Variants in ZNF732 observed in about 807,000 individuals in gnomAD.
ZNF732 encodes the protein zinc finger protein LOC654254.
A neutral mutation model predicts 11.5 loss-of-function variants in ZNF732; 12 were observed. The ratio of observed to expected loss-of-function variants is 1.05; its 90% confidence interval spans 0.67 to 1.70. The LOEUF is 1.70. ZNF732 is among the 40% of genes most tolerant of loss of function. ZNF732 has a pLI of 0.00. For synonymous variants in ZNF732, 231 were observed against 236.5 expected, an observed-to-expected ratio of 0.98 and a Z score of 0.21; for missense variants, 702 against 676.9, an observed-to-expected ratio of 1.04 and a Z score of -0.41.
intron 3 of ZNF732, among the ~76,000 whole-genome samples, chr4:284,870 C>CAAAAAAAAAAAA (rs1163209652): frequency 4.6e-4 from 25 of 54,688 alleles, no homozygotes; most frequent in Non-Finnish European, 5.9e-4. Context: ...GACTCTGTCT[C>CAAAAAAAAAAAA]AAAAAAAAAA....
At chr4:289,762 A>C (rs1329783402) in intron 3 of ZNF732, among the ~76,000 whole-genome samples, 1 of 152,174 alleles carries the variant, frequency 6.6e-6, no homozygotes, top group Non-Finnish European at 1.5e-5. Flanking sequence ...AGGAGAAGTC[A>C]CTCACTATGG....
chr4:272,450 ATAG>A lies in ZNF732; in HGVS notation c.404_406del (p.Thr135del). The A allele has an allele frequency of 6.2e-7, 1 of 1,600,366 alleles. No individual in the cohort carries two copies. The highest frequency in any genetic ancestry group is 8.5e-7 in the Non-Finnish European group (1 of 1,172,406). On this transcript the variant is annotated inframe_deletion, in exon 4 of 4. Coordinates refer to ENST00000419098, the MANE Select transcript of ZNF732 (RefSeq NM_001137608.3). ...ATTACACTGAAATATTTTGCTCTGGATAGTTGACAAGCATTGATTAAATTCATT... is the reference window on the plus strand; with the variant it reads ...ATTACACTGAAATATTTTGCTCTGGATTGACAAGCATTGATTAAATTCATT...
chr4:291,612 T>C (rs1263914905), intron 3 of ZNF732, among the ~76,000 whole-genome samples: 1 of 152,182 alleles, frequency 6.6e-6, no homozygotes, highest in Non-Finnish European at 1.5e-5. Context: ...CCAGATTCCA[T>C]CAGGATAACA....
chr4:299,442 TATATATATA>T (rs1720048164), intron 1 of ZNF732, among the ~76,000 whole-genome samples: 1 of 36,778 alleles, frequency 2.7e-5, no homozygotes, highest in South Asian at 1.7e-3. Context: ...TGTGTATATA[TATATATATA>T]CACATATGTG....
chr4:305,231 T>A, intron 1 of ZNF732, 77 bp downstream of exon 1: 1 of 1,548,390 alleles, frequency 6.5e-7, no homozygotes, highest in East Asian at 2.3e-5. Flanking sequence ...GTTCGCAGAC[T>A]CCGTCCCGCC....
At chr4:279,296 A>T (rs1371756081) in intron 3 of ZNF732, among the ~76,000 whole-genome samples, 1 of 152,032 alleles carries the variant, frequency 6.6e-6, no homozygotes. Flanking sequence ...AACAAAAAAA[A>T]TTAGCTGGGC....
At chr4:298,086 C>T (rs1484936296) in intron 1 of ZNF732, among the ~76,000 whole-genome samples, 4 of 152,184 alleles carry the variant, frequency 2.6e-5, no homozygotes, top group African/African-American at 9.7e-5. Context: ...GTTTCTCTAG[C>T]ACAATTATAT....
Position 299,463 on chromosome 4 carries a change from A to ATATATATATATATACACATATGTG in ZNF732, c.4-3309_4-3308insCACATATGTGTATATATATATATA, listed in dbSNP as rs1720053332. On this transcript the variant is annotated intron_variant, in intron 1 of 3. Transcript: ENST00000419098. ...TATATATATATATACACATATGTGT[A>ATATATATATATATACACATATGTG]TATATATATACACATATATACACAT... is the stretch of plus-strand genomic sequence containing the variant. 3.3e-5 allele frequency among the ~76,000 whole-genome samples: 2 copies of ATATATATATATATACACATATGTG among 60,194 alleles called. 1 individual carries two copies. The highest frequency in any genetic ancestry group is 1.6e-4 in the African/African-American group (2 of 12,680). The allele number at this position is 60,194 out of a possible 152,430, so 39.5% of individuals were successfully genotyped here.
In ZNF732 at chr4:271,373, A is replaced by G; in HGVS notation, c.1484T>C (p.Ile495Thr). ...CSRALNKHKTIHTGEKPYECE... is the reference protein window; with the variant it reads ...CSRALNKHKTTHTGEKPYECE... ...TTCGTAAGGTTTCTCTCCAGTATGA[A>G]TTGTCTTATGTTTATTCAGGGCTCT... The change falls in exon 4 of 4, where the codon ATT becomes ACT. Residue 495 changes from isoleucine (I) to threonine (T), a missense_variant. Ile to Thr is a moderately conservative substitution (Grantham distance 89, BLOSUM62 -1). Coordinates refer to ENST00000419098, the MANE Select transcript of ZNF732 (RefSeq NM_001137608.3). 6.2e-7 allele frequency: 1 copy of G among 1,600,698 alleles called. No homozygotes were observed. Among genetic ancestry groups the G allele is most frequent in the Non-Finnish European group, 8.5e-7 (1 of 1,173,286 alleles).
chr4:299,715 A>T (rs1720073071), intron 1 of ZNF732, among the ~76,000 whole-genome samples: 1 of 140,034 alleles, frequency 7.1e-6, no homozygotes, highest in Non-Finnish European at 1.5e-5. Flanking sequence ...TTTTTTAAAG[A>T]GATGGAGTTT....
rs61792062 is a variant in ZNF732 at position 271,550 on chromosome 4, T to C, written c.1307A>G (p.His436Arg). 1,249 of 1,611,886 alleles carry C rather than the reference T, an allele frequency of 7.7e-4. 3 individuals carry two copies. The highest frequency in any genetic ancestry group is 9.5e-4 in the Non-Finnish European group (1,119 of 1,178,998). Residue 436 changes from histidine to arginine, a missense_variant, in exon 4 of 4, where the codon CAT becomes CGT. His to Arg is a conservative substitution (Grantham distance 29, BLOSUM62 0). Transcript: ENST00000419098. ...AFGWSTDLNK[H>R]KIIHTGEKPY... is the part of the protein sequence containing the mutation. ...TTTCTCTCCAGTATGAATTATCTTA[T>C]GTTTATTCAGGTCTGTGGACCATCC...
At chr4:292,967 C>A in intron 3 of ZNF732, among the ~76,000 whole-genome samples, 1 of 135,318 alleles carries the variant, frequency 7.4e-6, no homozygotes, top group African/African-American at 2.8e-5. Context: ...ACTCAGGAGG[C>A]TGAGGCAGGA....
At chr4:300,505 T>C (rs1553843454) in intron 1 of ZNF732, among the ~76,000 whole-genome samples, 1 of 150,960 alleles carries the variant, frequency 6.6e-6, no homozygotes, top group Non-Finnish European at 1.5e-5. Flanking sequence ...TAGCCATTTG[T>C]GGCAATAGCA....
chr4:272,641 TA>T lies in ZNF732; in HGVS notation c.227-12del, dbSNP rs1560156158. ...AATGAGAACACACAGCTGAAAGAAA[TA>T]AAAATAAATTATCCTGCTTACTAGA... On this transcript the variant is annotated splice_polypyrimidine_tract_variant and intron_variant, in intron 3 of 3. Transcript: ENST00000419098. The T allele has an allele frequency of 6.7e-7, 1 of 1,488,122 alleles. No homozygotes were observed. Among genetic ancestry groups the T allele is most frequent in the Non-Finnish European group, 8.9e-7 (1 of 1,120,156 alleles). The allele number at this position is 1,488,122 out of a possible 1,614,324, so 92.2% of individuals were successfully genotyped here.
At position 305,446 on chromosome 4, in the gene ZNF732, C is replaced by T; in HGVS notation, c.-136G>A. ...GGGTGAAAGCACGGCCGTGGAGACC[C>T]TAACCGAGCTCACGCTGGCGCAAAA... On this transcript the variant is annotated 5_prime_UTR_variant, in exon 1 of 4. Coordinates refer to ENST00000419098, the MANE Select transcript of ZNF732 (RefSeq NM_001137608.3). The T allele has an allele frequency of 7.8e-7, 1 of 1,282,946 alleles. No homozygotes were observed. The highest frequency in any genetic ancestry group is 1.1e-6 in the Non-Finnish European group (1 of 929,882). The allele number at this position is 1,282,946 out of a possible 1,614,324, so 79.5% of individuals were successfully genotyped here.
Position 272,562 on chromosome 4 carries a change from TAA to T in ZNF732, c.293_294del (p.Leu98HisfsTer6), listed in dbSNP as rs782266717. The T allele has an allele frequency of 3.8e-6, 6 of 1,595,492 alleles. No homozygotes were observed. The highest frequency in any genetic ancestry group is 1.7e-4 in the Middle Eastern group (1 of 5,960). Reference sequence around the variant, plus strand: ...CCACATTTCTCATATCTTCTTAATATAAGTTTGTGGAACGAATCTTCTATCCC... The same window carrying T: ...CCACATTTCTCATATCTTCTTAATATGTTTGTGGAACGAATCTTCTATCCC... Reference protein sequence around the residue: ...VQGIEDSFHKLILRRYEKCGH... With the variant: ...VQGIEDSFHKXILRRYEKCGH... On this transcript the variant is annotated frameshift_variant, in exon 4 of 4. Coordinates refer to ENST00000419098, the MANE Select transcript of ZNF732 (RefSeq NM_001137608.3). LOFTEE classifies it low-confidence loss of function (END_TRUNC).
chr4:285,237 G>T (rs1719708837), intron 3 of ZNF732, among the ~76,000 whole-genome samples: 1 of 152,168 alleles, frequency 6.6e-6, no homozygotes. Context: ...AAGAGTGAGG[G>T]TCAGTGCACA....
chr4:305,203 G>A, intron 1 of ZNF732, 105 bp downstream of exon 1: 2 of 1,433,082 alleles, frequency 1.4e-6, no homozygotes, highest in East Asian at 2.4e-5. Context: ...AGGGCTGAGC[G>A]GCGGCAGCGG....
chr4:273,165 A>G, intron 3 of ZNF732, among the ~76,000 whole-genome samples: 1 of 151,552 alleles, frequency 6.6e-6, no homozygotes, highest in East Asian at 1.9e-4. Flanking sequence ...AATACAGACA[A>G]CAGACCAAGT....
Sources: allele counts gnomAD v4.1 joint callset (sites outside exome capture counted in the v4.1 genomes callset), GRCh38; gene constraint gnomAD v4.1.1; transcripts MANE v1.5; gene names NCBI Gene and HGNC (gene_info 2026-07-23, HGNC 2026-07-21).